Variants in PIEZO2 observed in about 807,000 individuals in gnomAD.
PIEZO2 encodes the protein piezo-type mechanosensitive ion channel component 2.
Under a neutral mutation model 337.3 loss-of-function variants are expected in PIEZO2, and 172 were observed. The ratio of observed to expected loss-of-function variants is 0.51; its 90% CI spans 0.45 to 0.58. PIEZO2 has a LOEUF of 0.58. Ranked by LOEUF, PIEZO2 falls within the 20% of genes least tolerant of loss-of-function variation. PIEZO2 has a pLI of 0.00. For missense variants in PIEZO2, 3,028 were observed against 3,391.3 expected, an observed-to-expected ratio of 0.89 and a Z score of 2.66; for synonymous variants, 1,251 against 1,228.5, an observed-to-expected ratio of 1.02 and a Z score of -0.38.
rs369900903 is a variant in PIEZO2 at position 10,988,564 on chromosome 18, TA to T, written c.161-8905del. ...AAAAATTAAAAATAGAACTGCTAAA[TA>T]ATCCCACTTCTGGGTATACATTCAA... On this transcript the variant is annotated intron_variant, in intron 2 of 55. Coordinates refer to ENST00000674853, the MANE Select transcript of PIEZO2 (RefSeq NM_001378183.1). The surrounding 1 kb of genome is among the most constrained non-coding windows in gnomAD (Gnocchi z 4.8). Among the ~76,000 whole-genome samples the T allele has an allele frequency of 4.0e-3, 611 of 152,262 alleles. 2 individuals carry two copies. The highest frequency in any genetic ancestry group is 0.014 in the African/African-American group (583 of 41,554).
At chr18:10,949,432 A>C (rs2033182985) in intron 3 of PIEZO2, among the ~76,000 whole-genome samples, 1 of 152,222 alleles carries the variant, frequency 6.6e-6, no homozygotes, top group African/African-American at 2.4e-5. Context: ...CTTCGTAGGC[A>C]TCCTCCAAGG....
At chr18:10,674,338 C>G (rs1031480355) in intron 54 of PIEZO2, among the ~76,000 whole-genome samples, 1 of 152,272 alleles carries the variant, frequency 6.6e-6, no homozygotes, top group African/African-American at 2.4e-5. Context: ...TGAAACATTT[C>G]TACAACTATT....
chr18:10,892,009 G>C (rs986656943), intron 4 of PIEZO2, among the ~76,000 whole-genome samples: 1 of 152,148 alleles, frequency 6.6e-6, no homozygotes, highest in Non-Finnish European at 1.5e-5. Context: ...GGTAATGCAG[G>C]ATTGATAGGC....
intron 49 of PIEZO2, among the ~76,000 whole-genome samples, chr18:10,684,188 C>T (rs1408082123): frequency 1.8e-4 from 15 of 84,250 alleles, no homozygotes; most frequent in South Asian, 4.3e-4. Context: ...TTTTTTGAGA[C>T]GGAGTCTTGC....
chr18:10,822,172 T>C (rs1186844060), intron 7 of PIEZO2, among the ~76,000 whole-genome samples: 1 of 152,242 alleles, frequency 6.6e-6, no homozygotes, highest in African/African-American at 2.4e-5. Context: ...AACGTCTGCA[T>C]TTAACTTGTT....
chr18:10,943,351 CA>C lies in PIEZO2; in HGVS notation c.287-32124del, dbSNP rs1162014838. Among the ~76,000 whole-genome samples, 3 of 152,214 alleles carry C rather than the reference CA, an allele frequency of 2.0e-5. No homozygotes were observed. Among genetic ancestry groups the C allele is most frequent in the Non-Finnish European group, 4.4e-5 (3 of 68,044 alleles). ...AGGGAGGCTGTACCCTGCAAAGCCC[CA>C]GGGGTGGAGTTACCCAAGGCCGTGG... On this transcript the variant is annotated intron_variant, in intron 3 of 55. Coordinates refer to ENST00000674853, the MANE Select transcript of PIEZO2 (RefSeq NM_001378183.1). This position sits in a 1 kb window ranked among gnomAD's most constrained non-coding sequence, Gnocchi z 4.5.
intron 3 of PIEZO2, among the ~76,000 whole-genome samples, chr18:10,958,230 T>C (rs527267428): frequency 1.2e-4 from 19 of 152,286 alleles, no homozygotes; most frequent in African/African-American, 4.6e-4. Context: ...CATTTGAGAC[T>C]AGGTAAAATA....
intron 49 of PIEZO2, among the ~76,000 whole-genome samples, chr18:10,683,674 T>C (rs62093959): frequency 0.022 from 3,342 of 152,316 alleles, 55 homozygotes; most frequent in Middle Eastern, 0.071. Context: ...CACATAGATA[T>C]GCAAACAAGT....
At position 11,108,761 on chromosome 18, in the gene PIEZO2, C is replaced by T. The variant is rs528424288; in HGVS notation, c.64+39764G>A. On this transcript the variant is annotated intron_variant, in intron 1 of 55. Transcript: ENST00000674853. The stretch of plus-strand genomic sequence containing the variant: ...TCTCATGTTAGGGGAAATTGAGGTG[C>T]GAGGGGAAATGCTCGTGCCACAGCT... Among the ~76,000 whole-genome samples, 63 of 151,718 alleles carry T rather than the reference C, an allele frequency of 4.2e-4. 1 individual carries two copies. In the South Asian group the frequency reaches 6.7e-3, roughly 16 times the overall value.
chr18:10,745,937 C>T (rs181410738), intron 30 of PIEZO2, among the ~76,000 whole-genome samples: 45 of 152,318 alleles, frequency 3.0e-4, no homozygotes, highest in Non-Finnish European at 5.6e-4. Flanking sequence ...GGGACTGGCA[C>T]CACCGTTTGG....
intron 3 of PIEZO2, among the ~76,000 whole-genome samples, chr18:10,963,501 C>T (rs1483904978): frequency 6.6e-6 from 1 of 152,126 alleles, no homozygotes; most frequent in African/African-American, 2.4e-5. Flanking sequence ...AAATGGTTTT[C>T]CACATTAACC....
chr18:11,058,193 G>C (rs1038809628), intron 2 of PIEZO2, among the ~76,000 whole-genome samples: 2 of 152,144 alleles, frequency 1.3e-5, no homozygotes, highest in African/African-American at 4.8e-5. Flanking sequence ...AGGCAAACAG[G>C]GTCTGGAGTG....
At position 10,742,537 on chromosome 18, in the gene PIEZO2, C is replaced by T; in HGVS notation, c.4593G>A (p.Gly1531=). The change falls in exon 32 of 56, where the codon GGG becomes GGA. Residue 1531 remains glycine (G), a synonymous_variant. Coordinates refer to ENST00000674853, the MANE Select transcript of PIEZO2 (RefSeq NM_001378183.1). ...AGAGTTTTTGCATGTCCTGGCCTTC[C>T]CCTGGCTCCTGGGTCAAGCTCAGCA... ...ERMLSLTQEP[G]EGQDMQKLSE... is the part of the protein sequence containing the mutation. The T allele has an allele frequency of 1.3e-6, 2 of 1,537,172 alleles. No individual in the cohort carries two copies. The highest frequency in any genetic ancestry group is 1.7e-6 in the Non-Finnish European group (2 of 1,146,906).
Position 11,002,160 on chromosome 18 carries a change from A to G in PIEZO2, c.161-22500T>C, listed in dbSNP as rs1033162338. Among the ~76,000 whole-genome samples the G allele has an allele frequency of 6.6e-6, 1 of 152,248 alleles. No homozygotes were observed. The highest frequency in any genetic ancestry group is 1.5e-5 in the Non-Finnish European group (1 of 68,038). Reference sequence around the variant, plus strand: ...GTCCAATAAAACTTTAGTTATGGACACTAACATTTGAATTTCAGATAACTT... The same window carrying G: ...GTCCAATAAAACTTTAGTTATGGACGCTAACATTTGAATTTCAGATAACTT... On this transcript the variant is annotated intron_variant, in intron 2 of 55. Coordinates refer to ENST00000674853, the MANE Select transcript of PIEZO2 (RefSeq NM_001378183.1). The surrounding 1 kb of genome is among the most constrained non-coding windows in gnomAD (Gnocchi z 4.3).
In PIEZO2 at chr18:10,787,049, G is replaced by A. The variant is rs6505592; in HGVS notation, c.2305C>T (p.Leu769=). ...FPGLWQNMTG[L]KKEKLEDLGL... is the part of the protein sequence containing the mutation. ...AAAATCACTTACTTTTCTTTTTTCA[G>A]TCCAGTCATATTTTGCCACAGGCCT... The change falls in exon 16 of 56, where the codon CTG becomes TTG. Residue 769 remains leucine (L), a synonymous_variant. Transcript: ENST00000674853. 0.86 allele frequency: 1,319,941 copies of A among 1,529,326 alleles called. 570,175 individuals are homozygous for A. The highest frequency in any genetic ancestry group is 0.93 in the East Asian group (38,095 of 40,816). 94.7% of individuals were successfully genotyped at this position (1,529,326 alleles called of 1,614,324 possible).
rs998807871 is a variant in PIEZO2, at chr18:11,078,179, T to A, written c.65-11957A>T. ...CACACATACACACACCACACACACA[T>A]ACACACACACACTTGTATGGGCTTT... On this transcript the variant is annotated intron_variant, in intron 1 of 55. Transcript: ENST00000674853. The surrounding 1 kb of genome is among the most constrained non-coding windows in gnomAD (Gnocchi z 5.3). Among the ~76,000 whole-genome samples the A allele has an allele frequency of 2.0e-5, 3 of 151,120 alleles. No homozygotes were observed. Among genetic ancestry groups the A allele is most frequent in the African/African-American group, 7.3e-5 (3 of 41,118 alleles).
At chr18:11,085,068 T>G (rs965944580) in intron 1 of PIEZO2, among the ~76,000 whole-genome samples, 1 of 152,226 alleles carries the variant, frequency 6.6e-6, no homozygotes, top group Non-Finnish European at 1.5e-5. Flanking sequence ...CATGAATATA[T>G]TTGTTTCGTT....
At chr18:10,741,697 T>C (rs2037223471) in intron 32 of PIEZO2, among the ~76,000 whole-genome samples, 1 of 152,174 alleles carries the variant, frequency 6.6e-6, no homozygotes, top group Admixed American at 6.5e-5. Flanking sequence ...TCAATATATA[T>C]TTCATGGTAA....
At chr18:10,883,732 C>T (rs2042489930) in intron 4 of PIEZO2, among the ~76,000 whole-genome samples, 1 of 151,928 alleles carries the variant, frequency 6.6e-6, no homozygotes, top group Admixed American at 6.6e-5. Context: ...TGAAATTTGG[C>T]ATCATTTGAC....
Sources: gnomAD v4.1 joint callset for allele counts (sites outside exome capture counted in the v4.1 genomes callset) on GRCh38, gnomAD v4.1.1 for gene constraint, Gnocchi (gnomAD v3.1) non-coding constraint, MANE v1.5 for transcripts, NCBI Gene and HGNC (gene_info 2026-07-23, HGNC 2026-07-21) for gene names.